SLC6A11: variants seen among roughly 807,000 people sequenced by gnomAD.
SLC6A11 encodes sodium- and chloride-dependent GABA transporter 3.
Under a neutral mutation model 74.8 loss-of-function variants are expected in SLC6A11, and 25 were observed. The observed-to-expected ratio is 0.33, with a 90% confidence interval of 0.24 to 0.47. The LOEUF is 0.47. Among genes scored for constraint, SLC6A11 ranks in the 20% least tolerant of loss-of-function variants. The pLI is 1.00. For synonymous variants in SLC6A11, 330 were observed against 330.2 expected, an observed-to-expected ratio of 1.00 and a Z score of 0.01; for missense variants, 574 against 837.0, an observed-to-expected ratio of 0.69 and a Z score of 3.88.
chr3:10,817,209 C>A (rs1694075065), intron 1 of SLC6A11, among the ~76,000 whole-genome samples: 1 of 152,080 alleles, frequency 6.6e-6, no homozygotes, highest in Non-Finnish European at 1.5e-5. Context: ...TATTTGGGGC[C>A]CCTCTGGTGG....
intron 8 of SLC6A11, among the ~76,000 whole-genome samples, chr3:10,920,602 C>T (rs1559583707): frequency 6.6e-6 from 1 of 152,192 alleles, no homozygotes; most frequent in African/African-American, 2.4e-5. Flanking sequence ...ATGAAATGCT[C>T]CTGGCACCTC....
intron 5 of SLC6A11, among the ~76,000 whole-genome samples, chr3:10,854,076 A>G (rs1694609193): frequency 6.6e-6 from 1 of 152,228 alleles, no homozygotes; most frequent in Non-Finnish European, 1.5e-5. Context: ...AAATTGTCCA[A>G]ACAATATTTT....
intron 5 of SLC6A11, among the ~76,000 whole-genome samples, chr3:10,854,124 A>G (rs1364519037): frequency 6.6e-6 from 1 of 152,214 alleles, no homozygotes; most frequent in Non-Finnish European, 1.5e-5. Flanking sequence ...AGTCTTGCTC[A>G]CGTCTGTAAT....
chr3:10,852,847 A>C (rs1257146246), intron 5 of SLC6A11, among the ~76,000 whole-genome samples: 1 of 152,242 alleles, frequency 6.6e-6, no homozygotes, highest in African/African-American at 2.4e-5. Flanking sequence ...ACTGAATATT[A>C]GCTCTGTGCT....
chr3:10,828,623 G>A (rs1694248782), intron 4 of SLC6A11, among the ~76,000 whole-genome samples: 1 of 152,092 alleles, frequency 6.6e-6, no homozygotes, highest in African/African-American at 2.4e-5. Context: ...TCAGTCTCTT[G>A]GCTTTTGCTT....
At chr3:10,873,947 CCTATGCTATGCTACG>C (rs1395459670) in intron 5 of SLC6A11, among the ~76,000 whole-genome samples, 17 of 149,006 alleles carry the variant, frequency 1.1e-4, no homozygotes, top group East Asian at 4.3e-4. Context: ...GCTATGCTAT[CCTATGCTATGCTACG>C]CTATGCTATG....
At chr3:10,902,220 G>A (rs1281808757) in intron 6 of SLC6A11, among the ~76,000 whole-genome samples, 3 of 152,236 alleles carry the variant, frequency 2.0e-5, no homozygotes, top group East Asian at 1.9e-4. Flanking sequence ...CATACCCCAT[G>A]TACTGTTGGG....
At position 10,875,077 on chromosome 3, in the gene SLC6A11, C is replaced by T; in HGVS notation, c.873C>T (p.Ser291=). Residue 291 remains serine (S), a synonymous_variant, in exon 6 of 14, where the codon TCC becomes TCT. Coordinates refer to ENST00000254488, the MANE Select transcript of SLC6A11 (RefSeq NM_014229.3). ...AGTTCTACTTGTACCCTGACCTCTC[C>T]CGGCTCTCCGACCCCCAGGTAAGAG... The part of the protein sequence containing the change: ...GIKFYLYPDL[S]RLSDPQVWVD... 2 of 1,610,050 alleles carry T rather than the reference C, an allele frequency of 1.2e-6. No homozygotes were observed. The highest frequency in any genetic ancestry group is 1.7e-6 in the Non-Finnish European group (2 of 1,177,136).
chr3:10,822,237 G>A (rs570867830), intron 3 of SLC6A11, among the ~76,000 whole-genome samples: 3 of 152,362 alleles, frequency 2.0e-5, no homozygotes, highest in African/African-American at 7.2e-5. Context: ...CCGGGCTCCT[G>A]CTCCGTGCTG....
chr3:10,822,066 T>C (rs904519052), intron 3 of SLC6A11, among the ~76,000 whole-genome samples: 3 of 152,212 alleles, frequency 2.0e-5, no homozygotes, highest in Non-Finnish European at 4.4e-5. Flanking sequence ...GCAAACCTCT[T>C]TCTTCAACTG....
At chr3:10,844,164 G>GA in intron 4 of SLC6A11, 50 bp from the exon 5 acceptor site, 1 of 1,611,518 alleles carries the variant, frequency 6.2e-7, no homozygotes, top group Non-Finnish European at 8.5e-7. Context: ...TAGCTTTGCT[G>GA]AAAATGGGCC....
intron 5 of SLC6A11, among the ~76,000 whole-genome samples, chr3:10,849,153 A>C (rs189472707): frequency 1.4e-3 from 214 of 152,302 alleles, no homozygotes; most frequent in Non-Finnish European, 2.2e-3. Context: ...AAATTTCAGA[A>C]ATCTCCTATG....
At position 10,898,757 on chromosome 3, in the gene SLC6A11, C is replaced by G. The variant is rs527871356; in HGVS notation, c.892-13333C>G. Among the ~76,000 whole-genome samples, 8 of 152,330 alleles carry G rather than the reference C, an allele frequency of 5.3e-5. No individual in the cohort carries two copies. The South Asian group carries it at 1.7e-3, about 32-fold the overall frequency. ...GAACTATTCCAGCCTCTGCCTGTTA[C>G]CTATTTCCAAAGTCACTTCCACATT... On this transcript the variant is annotated intron_variant, in intron 6 of 13. Coordinates refer to ENST00000254488, the MANE Select transcript of SLC6A11 (RefSeq NM_014229.3).
At chr3:10,866,156 A>T (rs1304295639) in intron 5 of SLC6A11, among the ~76,000 whole-genome samples, 1 of 152,176 alleles carries the variant, frequency 6.6e-6, no homozygotes, top group Non-Finnish European at 1.5e-5. Context: ...GCCCTCATTT[A>T]CATGGCCTAA....
intron 7 of SLC6A11, among the ~76,000 whole-genome samples, chr3:10,917,584 G>A (rs1490290497): frequency 1.2e-4 from 18 of 152,290 alleles, no homozygotes; most frequent in Non-Finnish European, 1.9e-4. Context: ...AGGACAGGCC[G>A]GGACTCGAGG....
chr3:10,857,631 C>A (rs1439190068), intron 5 of SLC6A11, among the ~76,000 whole-genome samples: 3 of 152,098 alleles, frequency 2.0e-5, no homozygotes, highest in Non-Finnish European at 4.4e-5. Context: ...GTGATTGGCT[C>A]AGTATATTGA....
intron 5 of SLC6A11, among the ~76,000 whole-genome samples, chr3:10,852,310 A>G (rs889437324): frequency 6.6e-6 from 1 of 152,198 alleles, no homozygotes; most frequent in South Asian, 2.1e-4. Context: ...ACCCAAGTAC[A>G]CCGAAGCCGC....
chr3:10,817,869 C>CT (rs879424049), intron 1 of SLC6A11, among the ~76,000 whole-genome samples: 3 of 152,296 alleles, frequency 2.0e-5, no homozygotes, highest in Admixed American at 6.5e-5. Context: ...GTGCTCTCGG[C>CT]TGTGAATCCT....
intron 6 of SLC6A11, among the ~76,000 whole-genome samples, chr3:10,891,275 A>G (rs1229918022): frequency 1.3e-5 from 2 of 152,224 alleles, no homozygotes; most frequent in Non-Finnish European, 2.9e-5. Context: ...AAAGGCTGTG[A>G]TTTAAAATAT....
Sources: gnomAD v4.1 joint callset for allele counts (sites outside exome capture counted in the v4.1 genomes callset) on GRCh38, gnomAD v4.1.1 for gene constraint, MANE v1.5 for transcripts, NCBI Gene and HGNC (gene_info 2026-07-23, HGNC 2026-07-21) for gene names.